Variants in SLC7A14 observed in about 807,000 individuals in gnomAD.
The protein encoded by SLC7A14 is solute carrier family 7 member 14.
Under a neutral mutation model 60.2 loss-of-function variants are expected in SLC7A14, and 37 were observed. The observed-to-expected ratio is 0.61, with a 90% CI of 0.47 to 0.81. SLC7A14 has a LOEUF of 0.81. Ranked by LOEUF, SLC7A14 falls within the 30% of genes least tolerant of loss-of-function variation. The probability of loss-of-function intolerance (pLI) is 0.00; values close to 1 mark genes in which losing one functional copy is unlikely to be tolerated. For missense variants in SLC7A14, 886 were observed against 982.7 expected, an observed-to-expected ratio of 0.90 and a Z score of 1.32; for synonymous variants, 399 against 395.8, an observed-to-expected ratio of 1.01 and a Z score of -0.10.
chr3:170,555,509 A>G (rs1393173716), intron 1 of SLC7A14, among the ~76,000 whole-genome samples: 3 of 152,220 alleles, frequency 2.0e-5, no homozygotes, highest in Admixed American at 6.5e-5. Flanking sequence ...TGATGGGGCT[A>G]TGCTTGAGAA....
chr3:170,514,392 ATC>A (rs1713086233), intron 2 of SLC7A14, among the ~76,000 whole-genome samples: 1 of 152,206 alleles, frequency 6.6e-6, no homozygotes, highest in Non-Finnish European at 1.5e-5. Context: ...TGCCTTACTT[ATC>A]TCTGCATCTC....
chr3:170,562,614 A>T (rs1714685583), intron 1 of SLC7A14, among the ~76,000 whole-genome samples: 1 of 152,030 alleles, frequency 6.6e-6, no homozygotes, highest in South Asian at 2.1e-4. Context: ...TACTCATACC[A>T]CCTGTTCCCC....
intron 1 of SLC7A14, among the ~76,000 whole-genome samples, chr3:170,528,522 C>T (rs1213803629): frequency 6.6e-6 from 1 of 152,144 alleles, no homozygotes; most frequent in Non-Finnish European, 1.5e-5. Context: ...GAATACTAAG[C>T]ACTTAATGTA....
At position 170,498,884 on chromosome 3, in the gene SLC7A14, C is replaced by G; in HGVS notation, c.542G>C (p.Gly181Ala). 6.2e-7 allele frequency: 1 copy of G among 1,613,904 alleles called. No individual in the cohort carries two copies. The highest frequency in any genetic ancestry group is 2.2e-5 in the East Asian group (1 of 44,880). Reference protein sequence around the residue: ...ADSVGTLNGLGKGEESYPDLL... With the variant: ...ADSVGTLNGLAKGEESYPDLL... ...GTCTGGGTATGATTCTTCACCTTTC[C>G]CTAGAGAGGAAAGACATGATTTGAC... The change falls in exon 4 of 8, where the codon GGG (glycine) becomes GCG (alanine). Residue 181 changes from glycine (G) to alanine (A), a missense_variant and splice_region_variant. Physicochemically the swap from Gly to Ala is moderately conservative, Grantham distance 60. Transcript: ENST00000231706.
intron 1 of SLC7A14, among the ~76,000 whole-genome samples, chr3:170,556,991 G>C (rs547630098): frequency 1.3e-5 from 2 of 152,262 alleles, no homozygotes; most frequent in African/African-American, 4.8e-5. Context: ...TGCGCATGAG[G>C]CTTTTCTGGT....
At chr3:170,563,163 G>A (rs1714699328) in intron 1 of SLC7A14, among the ~76,000 whole-genome samples, 1 of 152,136 alleles carries the variant, frequency 6.6e-6, no homozygotes, top group African/African-American at 2.4e-5. Flanking sequence ...GCTTCTTTTT[G>A]GTCATTTAAC....
chr3:170,584,287 A>C (rs1220509887), intron 1 of SLC7A14, among the ~76,000 whole-genome samples: 1 of 152,202 alleles, frequency 6.6e-6, no homozygotes, highest in Non-Finnish European at 1.5e-5. Flanking sequence ...TGGGGAAAGA[A>C]GGGTTCTAAG....
At chr3:170,536,388 C>T (rs1342583264) in intron 1 of SLC7A14, among the ~76,000 whole-genome samples, 1 of 152,164 alleles carries the variant, frequency 6.6e-6, no homozygotes, top group African/African-American at 2.4e-5. Flanking sequence ...GAATGGAAGA[C>T]TGATATAGCA....
At chr3:170,498,601 T>A in intron 4 of SLC7A14, 66 bp downstream of exon 4, 1 of 1,439,284 alleles carries the variant, frequency 6.9e-7, no homozygotes, top group East Asian at 2.3e-5. Context: ...AAATATGTCT[T>A]AGGTTGGTCA....
intron 1 of SLC7A14, among the ~76,000 whole-genome samples, chr3:170,559,477 G>A (rs947107710): frequency 3.3e-5 from 5 of 152,086 alleles, no homozygotes; most frequent in African/African-American, 1.2e-4. Flanking sequence ...TATTATAATA[G>A]TTTTAAAATA....
chr3:170,478,764 G>A (rs1045856734), intron 7 of SLC7A14, among the ~76,000 whole-genome samples: 7 of 152,036 alleles, frequency 4.6e-5, no homozygotes, highest in East Asian at 1.9e-4. Context: ...CTCCAGACAC[G>A]GAGGACACAT....
chr3:170,510,408 A>T (rs998540957), intron 2 of SLC7A14, among the ~76,000 whole-genome samples: 1 of 143,530 alleles, frequency 7.0e-6, no homozygotes, highest in Non-Finnish European at 1.5e-5. Flanking sequence ...AAATAAATAA[A>T]TAAATAAATA....
chr3:170,551,176 C>T (rs181546931), intron 1 of SLC7A14, among the ~76,000 whole-genome samples: 29 of 152,276 alleles, frequency 1.9e-4, no homozygotes, highest in Admixed American at 1.8e-3. Context: ...GCTTCTTTCA[C>T]TTATCATAAC....
At position 170,467,299 on chromosome 3, in the gene SLC7A14, C is replaced by G. The variant is rs1739745155; in HGVS notation, c.2072G>C (p.Ser691Thr). 6.2e-7 allele frequency: 1 copy of G among 1,614,070 alleles called. No homozygotes were observed. The part of the protein sequence containing the change: ...ISAREEALHQ[S>T]TYQRYDVDDP... ...ATCCACGTCGTAGCGTTGGTACGTGCTTTGGTGCAGGGCCTCTTCTCGAGC... is the reference window on the plus strand; with the variant it reads ...ATCCACGTCGTAGCGTTGGTACGTGGTTTGGTGCAGGGCCTCTTCTCGAGC... Residue 691 changes from serine to threonine, a missense_variant, in exon 8 of 8, where the codon AGC (serine) becomes ACC (threonine). Coordinates refer to ENST00000231706, the MANE Select transcript of SLC7A14 (RefSeq NM_020949.3).
At chr3:170,502,676 T>A (rs1435271591) in intron 2 of SLC7A14, 2 of 152,216 alleles carry the variant, frequency 1.3e-5, no homozygotes, top group African/African-American at 4.8e-5. Context: ...GTTCACTCTT[T>A]TGTGAATAAA....
intron 1 of SLC7A14, among the ~76,000 whole-genome samples, chr3:170,571,389 G>C (rs1458854419): frequency 6.6e-6 from 1 of 152,196 alleles, no homozygotes; most frequent in African/African-American, 2.4e-5. Context: ...GAGCCTTGAG[G>C]ATCTAGGCCT....
chr3:170,529,676 A>T (rs1199550991), intron 1 of SLC7A14, among the ~76,000 whole-genome samples: 4 of 152,128 alleles, frequency 2.6e-5, no homozygotes, highest in Admixed American at 2.0e-4. Flanking sequence ...CCAAATTAGA[A>T]TGTTGGAGTC....
intron 1 of SLC7A14, among the ~76,000 whole-genome samples, chr3:170,546,526 G>T (rs966175151): frequency 6.6e-6 from 1 of 152,124 alleles, no homozygotes; most frequent in African/African-American, 2.4e-5. Context: ...TTATATGGTG[G>T]TATGAACAGA....
Position 170,486,377 on chromosome 3 carries a change from A to T in SLC7A14, c.760-9T>A, listed in dbSNP as rs771926846. 1 of 1,614,040 alleles carries T rather than the reference A, an allele frequency of 6.2e-7. No individual in the cohort carries two copies. Among genetic ancestry groups the T allele is most frequent in the Admixed American group, 1.7e-5 (1 of 60,004 alleles). On this transcript the variant is annotated splice_polypyrimidine_tract_variant and intron_variant, in intron 4 of 7. Coordinates refer to ENST00000231706, the MANE Select transcript of SLC7A14 (RefSeq NM_020949.3). ...GCTGCTCCTTGCAGCACCTGTGTGGATGATGGCATTTGTCAGACTCAGAAG... is the reference window on the plus strand; with the variant it reads ...GCTGCTCCTTGCAGCACCTGTGTGGTTGATGGCATTTGTCAGACTCAGAAG...
Sources: allele counts gnomAD v4.1 joint callset (sites outside exome capture counted in the v4.1 genomes callset), GRCh38; gene constraint gnomAD v4.1.1; transcripts MANE v1.5; gene names NCBI Gene and HGNC (gene_info 2026-07-23, HGNC 2026-07-21).